The following GRAP2 variants were observed in gnomAD, a reference collection of about 807,000 sequenced individuals.
GRAP2 encodes the protein GRB2-related adapter protein 2.
A neutral mutation model predicts 43.5 loss-of-function variants in GRAP2; 31 were observed. The ratio of observed to expected loss-of-function variants is 0.71; its 90% CI spans 0.54 to 0.96. The LOEUF (loss-of-function observed/expected upper bound fraction) is 0.96. GRAP2 is among the 40% of genes least tolerant of loss of function. GRAP2 has a pLI of 0.00. For missense variants in GRAP2, 371 were observed against 424.4 expected, an observed-to-expected ratio of 0.87 and a Z score of 1.11; for synonymous variants, 156 against 164.8, an observed-to-expected ratio of 0.95 and a Z score of 0.41.
chr22:39,947,000 C>T (rs1432738749), intron 1 of GRAP2, 93 bp from the exon 2 acceptor site: 1 of 783,528 alleles, frequency 1.3e-6, no homozygotes, highest in Non-Finnish European at 2.3e-6. Flanking sequence ...TCTGCCCACT[C>T]TCCTAGGAAC....
chr22:39,943,855 G>A (rs2066895064), intron 1 of GRAP2, among the ~76,000 whole-genome samples: 1 of 151,870 alleles, frequency 6.6e-6, no homozygotes, highest in African/African-American at 2.4e-5. Flanking sequence ...AAGTAGCTGG[G>A]ACTACAGGCA....
chr22:39,957,547 C>T (rs1443467616), intron 3 of GRAP2, among the ~76,000 whole-genome samples: 2 of 152,196 alleles, frequency 1.3e-5, no homozygotes, highest in African/African-American at 4.8e-5. Flanking sequence ...TCCACGTCAA[C>T]CTCCTTTCCC....
At chr22:39,927,959 G>A (rs1237738635) in intron 1 of GRAP2, among the ~76,000 whole-genome samples, 2 of 152,210 alleles carry the variant, frequency 1.3e-5, no homozygotes, top group Admixed American at 1.3e-4. Context: ...GTAGGAAGGT[G>A]CAGGTCCACA....
intron 2 of GRAP2, among the ~76,000 whole-genome samples, chr22:39,950,322 A>C (rs1202944273): frequency 6.6e-6 from 1 of 152,166 alleles, no homozygotes; most frequent in East Asian, 1.9e-4. Flanking sequence ...CATGGCAGCT[A>C]TTTATAGGCA....
intron 1 of GRAP2, among the ~76,000 whole-genome samples, chr22:39,918,657 A>G (rs1341545398): frequency 2.0e-5 from 3 of 152,230 alleles, no homozygotes; most frequent in East Asian, 1.9e-4. Context: ...CAAACAAGGA[A>G]CAAAAAGGAT....
intron 2 of GRAP2, among the ~76,000 whole-genome samples, chr22:39,953,781 T>A (rs962662821): frequency 1.3e-5 from 2 of 152,184 alleles, no homozygotes; most frequent in Non-Finnish European, 2.9e-5. Flanking sequence ...TTGCTAAGTT[T>A]TATTTTTATT....
intron 2 of GRAP2, among the ~76,000 whole-genome samples, chr22:39,948,978 A>T (rs1169598748): frequency 6.6e-6 from 1 of 151,988 alleles, no homozygotes; most frequent in African/African-American, 2.4e-5. Flanking sequence ...CACCTCATCC[A>T]CTTCTTCAGC....
chr22:39,941,282 G>A (rs118117053), intron 1 of GRAP2, among the ~76,000 whole-genome samples: 16 of 152,244 alleles, frequency 1.1e-4, no homozygotes, highest in Non-Finnish European at 2.1e-4. Flanking sequence ...CAGAGTCTAC[G>A]CATTAATACA....
intron 1 of GRAP2, among the ~76,000 whole-genome samples, chr22:39,932,548 CAA>C (rs137982): frequency 9.2e-4 from 40 of 43,402 alleles, no homozygotes; most frequent in Admixed American, 1.7e-3. Context: ...CCTGTCTCTA[CAA>C]AAAAAAAAAA....
At chr22:39,928,052 T>G (rs2066722344) in intron 1 of GRAP2, among the ~76,000 whole-genome samples, 1 of 152,220 alleles carries the variant, frequency 6.6e-6, no homozygotes. Flanking sequence ...TGTTCCTGCC[T>G]CTTTCTGCGA....
intron 1 of GRAP2, among the ~76,000 whole-genome samples, chr22:39,943,148 C>T (rs1455859111): frequency 6.6e-6 from 1 of 152,140 alleles, no homozygotes; most frequent in Admixed American, 6.5e-5. Context: ...TTGCCGGGTG[C>T]CATTTTGATG....
chr22:39,955,653 C>T (rs1041760805), intron 2 of GRAP2, among the ~76,000 whole-genome samples, 166 bp from the exon 3 acceptor site: 3 of 152,196 alleles, frequency 2.0e-5, no homozygotes, highest in Non-Finnish European at 4.4e-5. Flanking sequence ...ACCCACGGCT[C>T]CTCCACAGGC....
Position 39,947,078 on chromosome 22 carries a change from T to G in GRAP2, c.-14-15T>G. 6.8e-7 allele frequency: 1 copy of G among 1,472,108 alleles called. No individual in the cohort carries two copies. The highest frequency in any genetic ancestry group is 9.5e-7 in the Non-Finnish European group (1 of 1,050,438). The allele number at this position is 1,472,108 out of a possible 1,614,324, so 91.2% of individuals were successfully genotyped here. On this transcript the variant is annotated splice_polypyrimidine_tract_variant and intron_variant, in intron 1 of 7. Coordinates refer to ENST00000344138, the MANE Select transcript of GRAP2 (RefSeq NM_004810.4). Reference sequence around the variant, plus strand: ...CTGGCAGAGAGGCACAATGACCACATTATTTCTCTTCCAGCTTCACGTTAC... The same window carrying G: ...CTGGCAGAGAGGCACAATGACCACAGTATTTCTCTTCCAGCTTCACGTTAC...
rs747416758 is a variant in GRAP2 at position 39,901,261 on chromosome 22, T to G, written c.-84T>G. On this transcript the variant is annotated 5_prime_UTR_variant, in exon 1 of 8. Coordinates refer to ENST00000344138, the MANE Select transcript of GRAP2 (RefSeq NM_004810.4). The stretch of plus-strand genomic sequence containing the variant: ...CTGATGCTTGAATTTGTCTCCCTTC[T>G]TGCCAGAAAGGATTCTAATAACTCG... 7.8e-7 allele frequency: 1 copy of G among 1,279,820 alleles called. No homozygotes were observed. Among genetic ancestry groups the G allele is most frequent in the South Asian group, 1.2e-5 (1 of 80,802 alleles). 79.3% of individuals were successfully genotyped at this position (1,279,820 alleles called of 1,614,324 possible).
At chr22:39,951,902 C>T (rs2958666) in intron 2 of GRAP2, among the ~76,000 whole-genome samples, 17,338 of 151,832 alleles carry the variant, frequency 0.11, 1,093 homozygotes, top group Middle Eastern at 0.16. Flanking sequence ...CACCAGGTGG[C>T]GGAGAGAAAT....
intron 1 of GRAP2, among the ~76,000 whole-genome samples, chr22:39,908,941 T>A (rs1469778054): frequency 6.6e-6 from 1 of 152,210 alleles, no homozygotes; most frequent in African/African-American, 2.4e-5. Context: ...TTGGCTCCCG[T>A]ATCCTGTGTT....
At chr22:39,967,868 C>T (rs1332813933) in intron 5 of GRAP2, among the ~76,000 whole-genome samples, 174 bp from the exon 6 acceptor site, 1 of 152,148 alleles carries the variant, frequency 6.6e-6, no homozygotes, top group Non-Finnish European at 1.5e-5. Flanking sequence ...ATGCAGAGGC[C>T]ACTTTGGAAA....
At position 39,913,901 on chromosome 22, in the gene GRAP2, G is replaced by A. The variant is rs575490319; in HGVS notation, c.-15+12571G>A. Reference sequence around the variant, plus strand: ...AACACCTCTTCCTGGGATGTAAAGCGAGTGTCTTTCATCCCACCCTGCACA... The same window carrying A: ...AACACCTCTTCCTGGGATGTAAAGCAAGTGTCTTTCATCCCACCCTGCACA... On this transcript the variant is annotated intron_variant, in intron 1 of 7. Transcript: ENST00000344138. Among the ~76,000 whole-genome samples, 6 of 152,192 alleles carry A rather than the reference G, an allele frequency of 3.9e-5. No homozygotes were observed. The East Asian group carries it at 1.2e-3, about 29-fold the overall frequency.
chr22:39,941,022 A>G (rs1290071846), intron 1 of GRAP2, among the ~76,000 whole-genome samples: 1 of 152,176 alleles, frequency 6.6e-6, no homozygotes, highest in African/African-American at 2.4e-5. Context: ...ATGTTGCACT[A>G]TCTCTGGCTG....
Sources: allele counts gnomAD v4.1 joint callset (sites outside exome capture counted in the v4.1 genomes callset), GRCh38; gene constraint gnomAD v4.1.1; transcripts MANE v1.5; gene names NCBI Gene and HGNC (gene_info 2026-07-23, HGNC 2026-07-21).